ROBO1: variants seen among roughly 807,000 people sequenced by gnomAD.
ROBO1 encodes the protein roundabout guidance receptor 1, also known as roundabout homolog 1.
Under a neutral mutation model 195.9 loss-of-function variants are expected in ROBO1, and 149 were observed. That is an observed-to-expected ratio of 0.76 (90% CI 0.67 to 0.87). The LOEUF (loss-of-function observed/expected upper bound fraction) is 0.87. Among genes scored for constraint, ROBO1 ranks in the 40% least tolerant of loss-of-function variants. ROBO1 has a pLI of 0.00. For missense variants in ROBO1, 1,933 were observed against 2,068.3 expected (o/e 0.93, Z 1.27); for synonymous variants, 816 against 733.2 (o/e 1.11, Z -1.82).
chr3:78,857,711 AG>A (rs1312106652), intron 4 of ROBO1, among the ~76,000 whole-genome samples: 1 of 152,202 alleles, frequency 6.6e-6, no homozygotes, highest in Non-Finnish European at 1.5e-5. Context: ...GCTGGTGCAC[AG>A]TGAAATGTAT....
At chr3:79,764,857 T>C (rs1051782105) in intron 1 of ROBO1, among the ~76,000 whole-genome samples, 6 of 152,120 alleles carry the variant, frequency 3.9e-5, no homozygotes, top group African/African-American at 1.2e-4. Flanking sequence ...GATATTAGGG[T>C]ATTTGTTCTT....
At chr3:79,637,957 G>A (rs1945545427) in intron 1 of ROBO1, among the ~76,000 whole-genome samples, 1 of 152,030 alleles carries the variant, frequency 6.6e-6, no homozygotes, top group African/African-American at 2.4e-5. Context: ...AGTGAATGTT[G>A]AGTATTCTCT....
intron 2 of ROBO1, among the ~76,000 whole-genome samples, chr3:79,258,513 G>A (rs1241554322): frequency 1.3e-5 from 2 of 151,952 alleles, no homozygotes; most frequent in Non-Finnish European, 2.9e-5. Flanking sequence ...GTTGGTTTTT[G>A]AATACCAAAG....
intron 1 of ROBO1, among the ~76,000 whole-genome samples, chr3:79,750,145 G>T (rs1327192500): frequency 6.6e-6 from 1 of 152,208 alleles, no homozygotes; most frequent in African/African-American, 2.4e-5. Context: ...AGTCAAAGGA[G>T]ATCATTTTGG....
At chr3:79,350,578 G>T (rs542936441) in intron 2 of ROBO1, among the ~76,000 whole-genome samples, 1 of 152,220 alleles carries the variant, frequency 6.6e-6, no homozygotes, top group East Asian at 1.9e-4. Flanking sequence ...ATAAAATGTG[G>T]TATATCTTTA....
intron 19 of ROBO1, among the ~76,000 whole-genome samples, chr3:78,649,587 C>G (rs1202374349): frequency 1.3e-5 from 2 of 152,246 alleles, no homozygotes; most frequent in African/African-American, 4.8e-5. Flanking sequence ...AAATATTTCA[C>G]TTTCTTTTTT....
intron 2 of ROBO1, among the ~76,000 whole-genome samples, chr3:79,552,002 A>AAAAC (rs1942536448): frequency 8.0e-6 from 1 of 125,260 alleles, no homozygotes; most frequent in Middle Eastern, 4.1e-3. Flanking sequence ...AAAAAAAAAA[A>AAAAC]AAAAAAAAAA....
chr3:78,929,613 C>G (rs1311321143), intron 4 of ROBO1, among the ~76,000 whole-genome samples: 1 of 151,990 alleles, frequency 6.6e-6, no homozygotes, highest in Non-Finnish European at 1.5e-5. Flanking sequence ...ACCAATCCTT[C>G]CACCTCAGCC....
At chr3:79,102,107 G>A (rs1177460607) in intron 3 of ROBO1, among the ~76,000 whole-genome samples, 2 of 151,550 alleles carry the variant, frequency 1.3e-5, no homozygotes, top group Non-Finnish European at 2.9e-5. Context: ...ATCTATAAAA[G>A]TGCACATAAA....
chr3:78,703,531 G>GC (rs2081470889), intron 8 of ROBO1, among the ~76,000 whole-genome samples: 1 of 151,796 alleles, frequency 6.6e-6, no homozygotes, highest in Admixed American at 6.6e-5. Context: ...TTCCCCATCA[G>GC]CCCCCCTAGT....
intron 3 of ROBO1, among the ~76,000 whole-genome samples, chr3:78,992,214 T>C (rs1015245018): frequency 1.3e-5 from 2 of 152,216 alleles, no homozygotes; most frequent in African/African-American, 4.8e-5. Context: ...CATCCATGGC[T>C]ACCCAACATG....
intron 2 of ROBO1, among the ~76,000 whole-genome samples, chr3:79,392,308 A>C (rs932589092): frequency 2.6e-5 from 4 of 152,204 alleles, no homozygotes; most frequent in African/African-American, 9.6e-5. Context: ...TTAGTGTTTT[A>C]TTTGAAGATT....
chr3:79,060,487 T>A (rs1327887451), intron 3 of ROBO1, among the ~76,000 whole-genome samples: 2 of 151,988 alleles, frequency 1.3e-5, no homozygotes, highest in Non-Finnish European at 2.9e-5. Context: ...GAGACCAAGC[T>A]GTAAAATTTC....
intron 2 of ROBO1, among the ~76,000 whole-genome samples, chr3:79,328,713 T>G (rs981686389): frequency 6.6e-6 from 1 of 152,108 alleles, no homozygotes; most frequent in African/African-American, 2.4e-5. Flanking sequence ...GAGATTTTGA[T>G]GCACCCACCA....
chr3:79,519,310 A>C (rs1479805764), intron 2 of ROBO1, among the ~76,000 whole-genome samples: 1 of 152,070 alleles, frequency 6.6e-6, no homozygotes, highest in Non-Finnish European at 1.5e-5. Context: ...CAAACCTGAT[A>C]TTGATGGAGA....
intron 8 of ROBO1, among the ~76,000 whole-genome samples, chr3:78,711,270 C>T (rs552160115): frequency 6.6e-6 from 1 of 150,578 alleles, no homozygotes; most frequent in Admixed American, 6.6e-5. Context: ...TCTCTTTCTT[C>T]CTTTCTTTCT....
intron 2 of ROBO1, among the ~76,000 whole-genome samples, chr3:79,494,207 C>T (rs1939612131): frequency 6.6e-6 from 1 of 152,054 alleles, no homozygotes; most frequent in African/African-American, 2.4e-5. Context: ...AAGGTGAATT[C>T]ATCTTTTTTG....
chr3:78,791,922 C>A (rs1266091269), intron 4 of ROBO1, among the ~76,000 whole-genome samples: 1 of 152,194 alleles, frequency 6.6e-6, no homozygotes, highest in Non-Finnish European at 1.5e-5. Flanking sequence ...CAGGATATGA[C>A]AAGAGCTAAG....
intron 2 of ROBO1, among the ~76,000 whole-genome samples, chr3:79,469,273 A>G (rs1938138478): frequency 1.3e-5 from 2 of 152,182 alleles, no homozygotes; most frequent in Admixed American, 1.3e-4. Context: ...CAAAAAATCA[A>G]TATGTAGGTT....
Sources: gnomAD v4.1 joint callset for allele counts (sites outside exome capture counted in the v4.1 genomes callset) on GRCh38, gnomAD v4.1.1 for gene constraint, MANE v1.5 for transcripts, NCBI Gene and HGNC (gene_info 2026-07-23, HGNC 2026-07-21) for gene names.